TRIM55: variants seen among roughly 807,000 people sequenced by gnomAD.
The protein encoded by TRIM55 is tripartite motif-containing protein 55.
A neutral mutation model predicts 60.9 loss-of-function variants in TRIM55; 50 were observed. The ratio of observed to expected loss-of-function variants is 0.82; its 90% CI spans 0.65 to 1.04. TRIM55 has a LOEUF of 1.04. TRIM55 is among the 50% of genes least tolerant of loss of function. The pLI is 0.00. For synonymous variants in TRIM55, 237 were observed against 238.1 expected, an observed-to-expected ratio of 1.00 and a Z score of 0.04; for missense variants, 681 against 666.9, an observed-to-expected ratio of 1.02 and a Z score of -0.23.
intron 9 of TRIM55, among the ~76,000 whole-genome samples, chr8:66,167,758 C>CT (rs981808262): frequency 3.3e-5 from 5 of 151,264 alleles, no homozygotes; most frequent in African/African-American, 1.2e-4. Flanking sequence ...AAATGCTTTT[C>CT]TTTTTTTTTA....
intron 9 of TRIM55, among the ~76,000 whole-genome samples, chr8:66,164,595 C>T (rs562360885): frequency 1.1e-4 from 17 of 152,286 alleles, no homozygotes; most frequent in Admixed American, 2.6e-4. Flanking sequence ...GTCCCTTCCC[C>T]TTTCCCAAGT....
At chr8:66,140,502 T>A (rs889728101) in intron 4 of TRIM55, among the ~76,000 whole-genome samples, 3 of 152,260 alleles carry the variant, frequency 2.0e-5, no homozygotes, top group African/African-American at 7.2e-5. Flanking sequence ...TCTCCGACTT[T>A]ATGAATCCCT....
At chr8:66,134,058 C>G (rs1809333064) in intron 2 of TRIM55, among the ~76,000 whole-genome samples, 1 of 152,154 alleles carries the variant, frequency 6.6e-6, no homozygotes, top group African/African-American at 2.4e-5. Context: ...ACAGTATTTG[C>G]TATTCCATTC....
intron 4 of TRIM55, among the ~76,000 whole-genome samples, chr8:66,148,093 T>C (rs1810204269): frequency 6.6e-6 from 1 of 152,176 alleles, no homozygotes; most frequent in Non-Finnish European, 1.5e-5. Context: ...GTTAGATCAC[T>C]ATGGCTCACA....
intron 4 of TRIM55, among the ~76,000 whole-genome samples, chr8:66,138,433 A>T (rs1433562764): frequency 6.6e-6 from 1 of 152,198 alleles, no homozygotes; most frequent in Non-Finnish European, 1.5e-5. Context: ...ACTGTCACCC[A>T]GGCTGGAGTG....
chr8:66,156,574 A>G (rs988594752), intron 9 of TRIM55, among the ~76,000 whole-genome samples: 4 of 152,088 alleles, frequency 2.6e-5, no homozygotes, highest in Non-Finnish European at 5.9e-5. Flanking sequence ...TCCAACTTCC[A>G]TGTACTTTTG....
In TRIM55 at chr8:66,149,890, T is replaced by C; in HGVS notation, c.837+12T>C. ...CAGTGTTTCTGCAGGTAAGTCTCTT[T>C]TTGGCACCAAAGTAACAACCCAAAA... On this transcript the variant is annotated intron_variant, in intron 5 of 9. Coordinates refer to ENST00000315962, the MANE Select transcript of TRIM55 (RefSeq NM_184085.2). 1 of 1,604,462 alleles carries C rather than the reference T, an allele frequency of 6.2e-7. No homozygotes were observed. The highest frequency in any genetic ancestry group is 8.5e-7 in the Non-Finnish European group (1 of 1,171,524).
chr8:66,137,016 A>G (rs1038554808), intron 3 of TRIM55, 79 bp from the exon 4 acceptor site: 2 of 1,219,014 alleles, frequency 1.6e-6, no homozygotes, highest in African/African-American at 3.0e-5. Context: ...GAACCTGTAA[A>G]GACAATATTA....
chr8:66,121,158 T>C, the TRIM55 span, among the ~76,000 whole-genome samples: 4 of 152,228 alleles, frequency 2.6e-5, no homozygotes, highest in African/African-American at 9.6e-5. Context: ...ACACTCAGGT[T>C]CCTAGGGACC....
intron 2 of TRIM55, among the ~76,000 whole-genome samples, chr8:66,130,656 ATTC>A (rs1809094945): frequency 7.6e-6 from 1 of 131,876 alleles, no homozygotes; most frequent in African/African-American, 3.3e-5. Context: ...AAAACCTAGC[ATTC>A]TTTTTTTTTT....
the TRIM55 span, chr8:66,113,385 G>T: frequency 4.6e-5 from 18 of 394,380 alleles, no homozygotes; most frequent in Non-Finnish European, 4.6e-5. Context: ...AGCTCAGCTG[G>T]TAGAGCGGAG....
rs781152511 is a variant in TRIM55 at position 66,154,326 on chromosome 8, A to T, written c.1516A>T (p.Thr506Ser). The change falls in exon 9 of 10, where the codon ACT becomes TCT. Residue 506 changes from threonine to serine, a missense_variant. Physicochemically the swap from Thr to Ser is moderately conservative, Grantham distance 58. Transcript: ENST00000315962. The stretch of plus-strand genomic sequence containing the variant: ...TAAGGAAACTAGTGCACCTGCAGCT[A>T]CTTCTCAGGTTAGTGATGATGCACT... ...SGKETSAPAATSQIGFEAPPL... is the reference protein window; with the variant it reads ...SGKETSAPAASSQIGFEAPPL... The T allele has an allele frequency of 2.3e-5, 37 of 1,613,850 alleles. No homozygotes were observed. The East Asian group carries it at 6.5e-4, about 28-fold the overall frequency.
Position 66,147,515 on chromosome 8 carries a change from C to A in TRIM55, c.604-2130C>A, listed in dbSNP as rs946160449. 3.3e-5 allele frequency among the ~76,000 whole-genome samples: 5 copies of A among 151,962 alleles called. No homozygotes were observed. The East Asian group carries it at 9.7e-4, about 29-fold the overall frequency. The stretch of plus-strand genomic sequence containing the variant: ...AACACATTAAAAAAAAAATCTATTC[C>A]GCCAGGATTGGTGGCTCACGCCTGT... On this transcript the variant is annotated intron_variant, in intron 4 of 9. Coordinates refer to ENST00000315962, the MANE Select transcript of TRIM55 (RefSeq NM_184085.2).
At chr8:66,140,870 T>G (rs1809770557) in intron 4 of TRIM55, among the ~76,000 whole-genome samples, 1 of 152,110 alleles carries the variant, frequency 6.6e-6, no homozygotes, top group Non-Finnish European at 1.5e-5. Flanking sequence ...GGCCAGGGGG[T>G]GGAGAGCTGT....
At chr8:66,150,272 AT>A in intron 6 of TRIM55, 33 bp downstream of exon 6, 1 of 1,613,092 alleles carries the variant, frequency 6.2e-7, no homozygotes. Context: ...AAAAATGCAT[AT>A]TTTCACCTTT....
At chr8:66,157,434 T>C (rs1421661139) in intron 9 of TRIM55, among the ~76,000 whole-genome samples, 2 of 152,252 alleles carry the variant, frequency 1.3e-5, no homozygotes, top group African/African-American at 4.8e-5. Context: ...TTTGCAGGTC[T>C]GATTCACCTT....
chr8:66,153,976 AATC>A, intron 8 of TRIM55, 68 bp from the exon 9 acceptor site: 1 of 1,481,604 alleles, frequency 6.7e-7, no homozygotes, highest in Non-Finnish European at 9.0e-7. Flanking sequence ...AGGGAACTAA[AATC>A]AACTGCTTTT....
At chr8:66,152,311 G>A in intron 7 of TRIM55, 66 bp from the exon 8 acceptor site, 2 of 1,516,218 alleles carry the variant, frequency 1.3e-6, no homozygotes, top group East Asian at 4.9e-5. Context: ...ATAAGCACTG[G>A]CCATTAACTG....
intron 4 of TRIM55, among the ~76,000 whole-genome samples, chr8:66,143,579 T>C (rs1043400433): frequency 6.6e-6 from 1 of 151,816 alleles, no homozygotes; most frequent in African/African-American, 2.4e-5. Context: ...TCTTGGTTTT[T>C]GGGTTTTTTT....
Sources: gnomAD v4.1 joint callset for allele counts (sites outside exome capture counted in the v4.1 genomes callset) on GRCh38, gnomAD v4.1.1 for gene constraint, MANE v1.5 for transcripts, NCBI Gene and HGNC (gene_info 2026-07-23, HGNC 2026-07-21) for gene names.